CCDC149: variants seen among roughly 807,000 people sequenced by gnomAD.
CCDC149 encodes the protein coiled-coil domain containing 149, also known as coiled-coil domain-containing protein 149.
Under a neutral mutation model 59.9 loss-of-function variants are expected in CCDC149, and 45 were observed. That is an observed-to-expected ratio of 0.75 (90% CI 0.59 to 0.96). CCDC149 has a LOEUF of 0.96. CCDC149 is among the 40% of genes least tolerant of loss of function. The probability of loss-of-function intolerance (pLI) is 0.00; values close to 1 mark genes in which losing one functional copy is unlikely to be tolerated. For synonymous variants in CCDC149, 245 were observed against 260.6 expected (o/e 0.94, Z 0.58); for missense variants, 584 against 664.7 (o/e 0.88, Z 1.33).
intron 1 of CCDC149, among the ~76,000 whole-genome samples, chr4:24,928,040 G>A (rs536934251): frequency 6.6e-6 from 1 of 152,296 alleles, no homozygotes; most frequent in East Asian, 1.9e-4. Flanking sequence ...ATCTGAAAAT[G>A]TCAGGCAATA....
intron 1 of CCDC149, among the ~76,000 whole-genome samples, chr4:24,911,737 A>G (rs1256523613): frequency 1.3e-5 from 2 of 152,124 alleles, no homozygotes; most frequent in African/African-American, 4.8e-5. Flanking sequence ...CAGAAACACA[A>G]CGCTCTGCAC....
intron 12 of CCDC149, among the ~76,000 whole-genome samples, chr4:24,819,509 C>T (rs138312640): frequency 1.6e-4 from 25 of 152,140 alleles, no homozygotes; most frequent in Non-Finnish European, 3.1e-4. Flanking sequence ...TTAGTAGAGA[C>T]GGGTTTTCAC....
At chr4:24,896,208 T>C (rs1378439230) in intron 1 of CCDC149, among the ~76,000 whole-genome samples, 1 of 152,176 alleles carries the variant, frequency 6.6e-6, no homozygotes, top group Non-Finnish European at 1.5e-5. Flanking sequence ...TCTTTGTTTA[T>C]ATAATGAGGT....
rs1333448330 is a variant in CCDC149, at chr4:24,913,032, C to T, written c.-153G>A. The T allele has an allele frequency of 5.5e-6, 1 of 180,784 alleles. No individual in the cohort carries two copies. Among genetic ancestry groups the T allele is most frequent in the South Asian group, 1.7e-4 (1 of 6,018 alleles). The allele number at this position is 180,784 out of a possible 1,614,324, so 11.2% of individuals were successfully genotyped here. A position where few individuals can be genotyped will look rare whatever the true frequency, so the allele number is the denominator to read the frequency against. On this transcript the variant is annotated 5_prime_UTR_variant, in exon 1 of 13. In the 5' UTR this introduces an upstream ATG that the reference lacks. Transcript: ENST00000635206. ...GCGGCCGCCAGCGCTGTTGACTCCA[C>T]GTCAGCCTCCGCCGGAGGGAAAGGG...
At chr4:24,836,224 C>T (rs1716509639) in intron 7 of CCDC149, among the ~76,000 whole-genome samples, 1 of 152,194 alleles carries the variant, frequency 6.6e-6, no homozygotes, top group Admixed American at 6.5e-5. Context: ...ATAACAGCCA[C>T]AGAAGGAGCT....
intron 1 of CCDC149, among the ~76,000 whole-genome samples, chr4:24,953,220 T>C (rs1439228464): frequency 6.6e-6 from 1 of 152,158 alleles, no homozygotes; most frequent in Admixed American, 6.5e-5. Context: ...TAGCAATCAG[T>C]GATCAGAACA....
intron 1 of CCDC149, among the ~76,000 whole-genome samples, chr4:24,925,067 G>GT (rs1250343860): frequency 1.2e-4 from 19 of 152,196 alleles, no homozygotes. Flanking sequence ...CTTAGGTACA[G>GT]TTTTTTGGGT....
At chr4:24,853,619 G>A (rs1191799709) in intron 3 of CCDC149, among the ~76,000 whole-genome samples, 4 of 150,194 alleles carry the variant, frequency 2.7e-5, no homozygotes, top group African/African-American at 7.4e-5. Context: ...GAGAGAGAGA[G>A]AATTTATCAC....
At chr4:24,900,056 C>A (rs775958786) in intron 1 of CCDC149, among the ~76,000 whole-genome samples, 1 of 152,194 alleles carries the variant, frequency 6.6e-6, no homozygotes, top group Non-Finnish European at 1.5e-5. Context: ...AAGAACCCTC[C>A]TCAATCCTCC....
At chr4:24,957,321 T>A (rs1012266920) in intron 1 of CCDC149, among the ~76,000 whole-genome samples, 2 of 152,248 alleles carry the variant, frequency 1.3e-5, no homozygotes, top group Non-Finnish European at 2.9e-5. Context: ...GATCCTCATG[T>A]AATCTACCAG....
chr4:24,849,506 C>T (rs1312592135), intron 4 of CCDC149, among the ~76,000 whole-genome samples: 1 of 152,136 alleles, frequency 6.6e-6, no homozygotes, highest in Non-Finnish European at 1.5e-5. Context: ...CATCACAGGA[C>T]GCCCATGTTG....
At chr4:24,944,204 G>A (rs1723036840) in intron 1 of CCDC149, among the ~76,000 whole-genome samples, 1 of 152,192 alleles carries the variant, frequency 6.6e-6, no homozygotes, top group Non-Finnish European at 1.5e-5. Context: ...TAAACACCAT[G>A]GAATACTATG....
intron 12 of CCDC149, among the ~76,000 whole-genome samples, chr4:24,816,362 G>T (rs1056638013): frequency 7.9e-5 from 12 of 152,040 alleles, no homozygotes; most frequent in Non-Finnish European, 1.8e-4. Flanking sequence ...AAAGTGCTGG[G>T]ATTACAAGTA....
At chr4:24,881,654 G>T (rs77137608) in intron 1 of CCDC149, among the ~76,000 whole-genome samples, 6,436 of 152,238 alleles carry the variant, frequency 0.042, 455 homozygotes, top group African/African-American at 0.15. Flanking sequence ...GGGACTGTCT[G>T]GGGGGGAGAA....
intron 1 of CCDC149, among the ~76,000 whole-genome samples, chr4:24,946,054 G>A (rs1004717169): frequency 1.3e-5 from 2 of 152,234 alleles, no homozygotes; most frequent in Admixed American, 1.3e-4. Context: ...GAATTTGGGT[G>A]ATAAGTATTC....
At chr4:24,868,366 A>G (rs193032238) in intron 3 of CCDC149, among the ~76,000 whole-genome samples, 1 of 152,346 alleles carries the variant, frequency 6.6e-6, no homozygotes, top group East Asian at 1.9e-4. Context: ...AACTAACAGT[A>G]AATAAAAATG....
intron 1 of CCDC149, among the ~76,000 whole-genome samples, chr4:24,966,264 C>A (rs1723794234): frequency 3.9e-5 from 6 of 152,108 alleles, no homozygotes; most frequent in Admixed American, 3.9e-4. Context: ...AAATGGCAGT[C>A]ATATGCCAAA....
At chr4:24,851,923 T>C (rs150145181) in intron 4 of CCDC149, among the ~76,000 whole-genome samples, 31 of 152,200 alleles carry the variant, frequency 2.0e-4, no homozygotes, top group African/African-American at 7.0e-4. Flanking sequence ...ACCTTCTATT[T>C]CATGACTAGG....
chr4:24,881,039 G>T (rs1719810819), intron 1 of CCDC149, among the ~76,000 whole-genome samples: 1 of 152,186 alleles, frequency 6.6e-6, no homozygotes, highest in Non-Finnish European at 1.5e-5. Context: ...CCCAAAACTT[G>T]CTTTCTCTGC....
Sources: gnomAD v4.1 joint callset for allele counts (sites outside exome capture counted in the v4.1 genomes callset) on GRCh38, gnomAD v4.1.1 for gene constraint, MANE v1.5 for transcripts, NCBI Gene and HGNC (gene_info 2026-07-23, HGNC 2026-07-21) for gene names.